The following CNTN4 variants were observed in gnomAD, a reference collection of about 807,000 sequenced individuals.
CNTN4 encodes the protein contactin-4.
A neutral mutation model predicts 122.5 loss-of-function variants in CNTN4; 77 were observed. The observed-to-expected ratio is 0.63, with a 90% CI of 0.52 to 0.76. The LOEUF (loss-of-function observed/expected upper bound fraction) is 0.76, where lower values mean the gene tolerates loss of function less well. CNTN4 is among the 30% of genes least tolerant of loss of function. The pLI, the probability that CNTN4 is intolerant of heterozygous loss-of-function variation, is 0.00. For synonymous variants in CNTN4, 512 were observed against 447.0 expected (o/e 1.15, Z -1.83); for missense variants, 1,256 against 1,259.1 (o/e 1.00, Z 0.04).
At chr3:2,694,903 C>G (rs2085942026) in intron 4 of CNTN4, among the ~76,000 whole-genome samples, 1 of 152,170 alleles carries the variant, frequency 6.6e-6, no homozygotes, top group South Asian at 2.1e-4. Context: ...TTCAACCCCT[C>G]TCTTACTACC....
chr3:2,704,413 G>C (rs183265154), intron 4 of CNTN4, among the ~76,000 whole-genome samples: 1 of 150,652 alleles, frequency 6.6e-6, no homozygotes, highest in South Asian at 2.1e-4. Context: ...GAAATTGAAA[G>C]TACGATATGG....
intron 4 of CNTN4, among the ~76,000 whole-genome samples, chr3:2,633,205 G>C (rs559511334): frequency 6.6e-6 from 1 of 152,058 alleles, no homozygotes; most frequent in African/African-American, 2.4e-5. Context: ...CCCCACGAAG[G>C]CTACAACAGC....
At chr3:2,567,767 G>T (rs1412936524) in intron 3 of CNTN4, among the ~76,000 whole-genome samples, 1 of 152,068 alleles carries the variant, frequency 6.6e-6, no homozygotes, top group Non-Finnish European at 1.5e-5. Flanking sequence ...TTGTCACTTG[G>T]CTCAGAATGG....
At chr3:2,691,670 A>G (rs1218629829) in intron 4 of CNTN4, among the ~76,000 whole-genome samples, 1 of 152,196 alleles carries the variant, frequency 6.6e-6, no homozygotes, top group Non-Finnish European at 1.5e-5. Context: ...GAATATAGTA[A>G]TTAGCATAAC....
intron 2 of CNTN4, among the ~76,000 whole-genome samples, chr3:2,172,485 C>G (rs190825375): frequency 1.3e-5 from 2 of 151,996 alleles, no homozygotes; most frequent in African/African-American, 4.8e-5. Context: ...AACAAAATCC[C>G]GGAAATCACC....
intron 4 of CNTN4, among the ~76,000 whole-genome samples, chr3:2,605,548 T>C (rs2081222008): frequency 6.6e-6 from 1 of 152,128 alleles, no homozygotes; most frequent in African/African-American, 2.4e-5. Context: ...GTGGCAGTGA[T>C]GGAAGCAGGA....
intron 14 of CNTN4, among the ~76,000 whole-genome samples, chr3:3,004,148 G>C (rs1696359061): frequency 6.9e-6 from 1 of 144,126 alleles, no homozygotes; most frequent in Admixed American, 6.9e-5. Context: ...GATCTATTTT[G>C]CACACTTAAA....
intron 2 of CNTN4, among the ~76,000 whole-genome samples, chr3:2,274,130 C>T (rs1194538501): frequency 2.0e-5 from 3 of 152,100 alleles, no homozygotes; most frequent in Non-Finnish European, 2.9e-5. Flanking sequence ...CGCTTGTAAT[C>T]CCAGCACTTT....
chr3:2,266,909 G>T (rs2149789486), intron 2 of CNTN4, among the ~76,000 whole-genome samples: 1 of 152,078 alleles, frequency 6.6e-6, no homozygotes, highest in East Asian at 1.9e-4. Flanking sequence ...TGACAAAATT[G>T]CAAAAGTTAT....
intron 7 of CNTN4, among the ~76,000 whole-genome samples, chr3:2,859,912 A>G (rs2150760669): frequency 6.6e-6 from 1 of 152,352 alleles, no homozygotes; most frequent in East Asian, 1.9e-4. Flanking sequence ...CAAGAAAATA[A>G]GAAGTTACAT....
At chr3:2,665,441 C>T (rs917409686) in intron 4 of CNTN4, among the ~76,000 whole-genome samples, 9 of 152,160 alleles carry the variant, frequency 5.9e-5, no homozygotes, top group African/African-American at 1.7e-4. Context: ...AAATTTTCAA[C>T]TTGATCACCT....
At chr3:2,297,434 T>C (rs1258620002) in intron 2 of CNTN4, among the ~76,000 whole-genome samples, 1 of 152,184 alleles carries the variant, frequency 6.6e-6, no homozygotes, top group Non-Finnish European at 1.5e-5. Context: ...AGAGGTTATG[T>C]TGTTGCTTTT....
Position 2,457,150 on chromosome 3 carries a change from G to C in CNTN4, c.-88-114266G>C, listed in dbSNP as rs73804595. ...CTTGACACCTAGAGCTGCTTCTGCT[G>C]TTCCCTCCCCAATACCAAGCTTGCC... is the stretch of plus-strand genomic sequence containing the variant. On this transcript the variant is annotated intron_variant, in intron 3 of 24. Coordinates refer to ENST00000418658, the MANE Select transcript of CNTN4 (RefSeq NM_175607.3). 5.2e-3 allele frequency among the ~76,000 whole-genome samples: 796 copies of C among 152,130 alleles called. 10 individuals are homozygous for C. Among genetic ancestry groups the C allele is most frequent in the African/African-American group, 0.018 (732 of 41,508 alleles).
intron 6 of CNTN4, among the ~76,000 whole-genome samples, chr3:2,769,858 A>G (rs2091011566): frequency 6.6e-6 from 1 of 152,212 alleles, no homozygotes; most frequent in Non-Finnish European, 1.5e-5. Context: ...GCAGCAAGAC[A>G]GGCTAACTAT....
intron 3 of CNTN4, among the ~76,000 whole-genome samples, chr3:2,552,070 A>G (rs909687908): frequency 2.0e-5 from 3 of 152,188 alleles, no homozygotes; most frequent in Non-Finnish European, 2.9e-5. Flanking sequence ...TTCTCAATAT[A>G]TAAAGTGAGG....
intron 2 of CNTN4, among the ~76,000 whole-genome samples, chr3:2,103,437 TTC>T (rs2125091542): frequency 6.6e-6 from 1 of 152,304 alleles, no homozygotes; most frequent in South Asian, 2.1e-4. Flanking sequence ...CAACTGCTCT[TTC>T]ATTTGTGATA....
chr3:2,258,792 A>T (rs2040704654), intron 2 of CNTN4, among the ~76,000 whole-genome samples: 1 of 151,840 alleles, frequency 6.6e-6, no homozygotes, highest in South Asian at 2.1e-4. Flanking sequence ...TTTTTTTATT[A>T]TTTGTATTAT....
At chr3:2,255,410 G>A (rs538106228) in intron 2 of CNTN4, among the ~76,000 whole-genome samples, 96 of 152,236 alleles carry the variant, frequency 6.3e-4, no homozygotes, top group African/African-American at 2.0e-3. Context: ...TTTAGGACTT[G>A]AACTCAGCTC....
rs114582668 is a variant in CNTN4, at chr3:2,735,299, A to T, written c.56-916A>T. On this transcript the variant is annotated intron_variant, in intron 4 of 24. Transcript: ENST00000418658. ...CACTTCCATGGGCGTAAGCGGCGAG[A>T]TGCATTTTGAACAATATTTATTGTG... is the stretch of plus-strand genomic sequence containing the variant. Among the ~76,000 whole-genome samples, 549 of 152,334 alleles carry T rather than the reference A, an allele frequency of 3.6e-3. 5 individuals carry two copies. The highest frequency in any genetic ancestry group is 0.012 in the African/African-American group (483 of 41,570).
Sources: gnomAD v4.1 joint callset for allele counts (sites outside exome capture counted in the v4.1 genomes callset) on GRCh38, gnomAD v4.1.1 for gene constraint, MANE v1.5 for transcripts, NCBI Gene and HGNC (gene_info 2026-07-23, HGNC 2026-07-21) for gene names.